Variants in MAP2K6 observed in about 807,000 individuals in gnomAD.
The protein encoded by MAP2K6 is mitogen-activated protein kinase kinase 6, also known as dual specificity mitogen-activated protein kinase kinase 6.
A neutral mutation model predicts 53.7 loss-of-function variants in MAP2K6; 16 were observed. The ratio of observed to expected loss-of-function variants is 0.30; its 90% CI spans 0.20 to 0.45. The LOEUF is 0.45. Ranked by LOEUF, MAP2K6 falls within the 20% of genes least tolerant of loss-of-function variation. The pLI is 1.00. For synonymous variants in MAP2K6, 132 were observed against 143.1 expected (o/e 0.92, Z 0.55); for missense variants, 204 against 411.9 (o/e 0.50, Z 4.37).
intron 1 of MAP2K6, among the ~76,000 whole-genome samples, chr17:69,454,768 A>G (rs1221254693): frequency 1.3e-5 from 2 of 152,198 alleles, no homozygotes; most frequent in Admixed American, 1.3e-4. Context: ...ACATAGGACA[A>G]TTCAAAAGGT....
chr17:69,510,701 G>A (rs2145234281), intron 2 of MAP2K6, among the ~76,000 whole-genome samples: 1 of 152,114 alleles, frequency 6.6e-6, no homozygotes, highest in South Asian at 2.1e-4. Context: ...GTTTTGAGGA[G>A]TTGGTCCATT....
intron 1 of MAP2K6, among the ~76,000 whole-genome samples, chr17:69,467,890 CA>C (rs961831059): frequency 3.2e-4 from 49 of 152,082 alleles, no homozygotes; most frequent in Middle Eastern, 3.2e-3. Flanking sequence ...CTCAGCCTCC[CA>C]AGTAGCTGGG....
At chr17:69,464,677 T>C (rs1415111275) in intron 1 of MAP2K6, among the ~76,000 whole-genome samples, 1 of 151,834 alleles carries the variant, frequency 6.6e-6, no homozygotes, top group Non-Finnish European at 1.5e-5. Context: ...CCGCCGCTAC[T>C]TATTTTTGTA....
chr17:69,505,883 TG>T, intron 2 of MAP2K6, 37 bp downstream of exon 2: 1 of 1,582,532 alleles, frequency 6.3e-7, no homozygotes, highest in South Asian at 1.1e-5. Flanking sequence ...TCCAAATCCT[TG>T]TGCTTTCAGA....
chr17:69,462,321 G>T (rs1277521803), intron 1 of MAP2K6, among the ~76,000 whole-genome samples: 1 of 152,092 alleles, frequency 6.6e-6, no homozygotes, highest in Non-Finnish European at 1.5e-5. Flanking sequence ...GAGATGCTTG[G>T]CTGGTCTCTG....
chr17:69,510,494 T>A (rs1418620662), intron 2 of MAP2K6, among the ~76,000 whole-genome samples: 1 of 152,202 alleles, frequency 6.6e-6, no homozygotes, highest in Non-Finnish European at 1.5e-5. Context: ...AATTGGTAAG[T>A]GTTGCTTCTA....
chr17:69,460,298 A>T (rs543389406), intron 1 of MAP2K6, among the ~76,000 whole-genome samples: 1 of 152,310 alleles, frequency 6.6e-6, no homozygotes, highest in Non-Finnish European at 1.5e-5. Flanking sequence ...AACTCATATT[A>T]GAAGGACAGG....
At chr17:69,537,563 G>A (rs1233577430) in intron 11 of MAP2K6, among the ~76,000 whole-genome samples, 6 of 152,208 alleles carry the variant, frequency 3.9e-5, no homozygotes, top group East Asian at 1.9e-4. Flanking sequence ...TGGAAATGTC[G>A]AGTCAGGAAG....
At chr17:69,481,449 A>G (rs1266716273) in intron 1 of MAP2K6, among the ~76,000 whole-genome samples, 4 of 152,178 alleles carry the variant, frequency 2.6e-5, no homozygotes, top group African/African-American at 9.7e-5. Context: ...AATTGTGAAT[A>G]ATACTGCTAT....
chr17:69,509,330 A>G (rs1247065063), intron 2 of MAP2K6, among the ~76,000 whole-genome samples: 1 of 152,198 alleles, frequency 6.6e-6, no homozygotes, highest in Non-Finnish European at 1.5e-5. Context: ...GTTAAAATTT[A>G]TACCTAAGTT....
At chr17:69,525,495 A>G (rs1273371527) in intron 9 of MAP2K6, among the ~76,000 whole-genome samples, 2 of 152,186 alleles carry the variant, frequency 1.3e-5, no homozygotes, top group African/African-American at 4.8e-5. Context: ...AGCATCCCCA[A>G]GACTGAGTAA....
chr17:69,444,786 C>T (rs367766517), intron 1 of MAP2K6, among the ~76,000 whole-genome samples: 29 of 152,286 alleles, frequency 1.9e-4, no homozygotes, highest in African/African-American at 6.7e-4. Context: ...GAAGAGTCAC[C>T]AAACATAAAA....
chr17:69,420,770 A>G (rs1906053418), intron 1 of MAP2K6, among the ~76,000 whole-genome samples: 1 of 152,114 alleles, frequency 6.6e-6, no homozygotes, highest in African/African-American at 2.4e-5. Context: ...AGTATATTTC[A>G]CATTTTTAGC....
chr17:69,433,019 C>G (rs929298288), intron 1 of MAP2K6: 2 of 152,132 alleles, frequency 1.3e-5, no homozygotes, highest in African/African-American at 4.8e-5. Flanking sequence ...CCAAGAGAAC[C>G]AGAAAAGGCA....
At chr17:69,473,943 C>T (rs1186849293) in intron 1 of MAP2K6, among the ~76,000 whole-genome samples, 1 of 152,116 alleles carries the variant, frequency 6.6e-6, no homozygotes, top group African/African-American at 2.4e-5. Flanking sequence ...ATGCCCAAGA[C>T]CAAAATAGAC....
intron 2 of MAP2K6, among the ~76,000 whole-genome samples, chr17:69,512,312 C>T (rs891444339): frequency 1.7e-4 from 22 of 126,242 alleles, no homozygotes; most frequent in Admixed American, 1.1e-3. Flanking sequence ...GTTCTAATCT[C>T]ATTGTCTTTC....
chr17:69,415,152 T>G lies in MAP2K6; in HGVS notation c.16+152T>G, dbSNP rs1280161009. ...TTCCTGTTTAGTATGTGTCTTTTTT[T>G]GCAGACACAGAGAGTTCCTGTAAGG... On this transcript the variant is annotated intron_variant, in intron 1 of 11. Coordinates refer to ENST00000590474, the MANE Select transcript of MAP2K6 (RefSeq NM_002758.4). 34 of 710,970 alleles carry G rather than the reference T, an allele frequency of 4.8e-5. No homozygotes were observed. The East Asian group carries it at 8.0e-4, about 17-fold the overall frequency. 44.0% of individuals were successfully genotyped at this position (710,970 alleles called of 1,614,324 possible).
intron 1 of MAP2K6, 110 bp downstream of exon 1, chr17:69,415,110 C>A: frequency 9.9e-7 from 1 of 1,012,384 alleles, no homozygotes; most frequent in Non-Finnish European, 1.5e-6. Flanking sequence ...TTGAGGTTTT[C>A]CACAGCTCAG....
chr17:69,473,818 T>A (rs980166952), intron 1 of MAP2K6, among the ~76,000 whole-genome samples: 6 of 152,228 alleles, frequency 3.9e-5, no homozygotes, highest in African/African-American at 1.2e-4. Context: ...AAGGTGTTAT[T>A]GATCAGATCT....
Sources: allele counts gnomAD v4.1 joint callset (sites outside exome capture counted in the v4.1 genomes callset), GRCh38; gene constraint gnomAD v4.1.1; transcripts MANE v1.5; gene names NCBI Gene and HGNC (gene_info 2026-07-23, HGNC 2026-07-21).